ARHGAP8: variants seen among roughly 807,000 people sequenced by gnomAD.
ARHGAP8 encodes Rho GTPase activating protein 8.
A neutral mutation model predicts 46.1 loss-of-function variants in ARHGAP8; 62 were observed. The observed-to-expected ratio is 1.34, with a 90% CI of 1.10 to 1.66. The LOEUF is 1.66. Among genes scored for constraint, ARHGAP8 ranks in the 40% most tolerant of loss-of-function variants. The probability of loss-of-function intolerance (pLI) is 0.00; values close to 1 mark genes in which losing one functional copy is unlikely to be tolerated. For synonymous variants in ARHGAP8, 375 were observed against 243.1 expected (o/e 1.54, Z -5.05); for missense variants, 923 against 568.4 (o/e 1.62, Z -6.34).
At chr22:44,812,184 A>G (rs1443207338) in intron 4 of ARHGAP8, among the ~76,000 whole-genome samples, 1 of 151,840 alleles carries the variant, frequency 6.6e-6, no homozygotes, top group Non-Finnish European at 1.5e-5. Flanking sequence ...CACTTCTGGG[A>G]GTGCTTGCCT....
chr22:44,827,059 G>A (rs1249949610), intron 7 of ARHGAP8, among the ~76,000 whole-genome samples: 2 of 152,134 alleles, frequency 1.3e-5, no homozygotes, highest in African/African-American at 4.8e-5. Context: ...ATCTTGGGAT[G>A]GGAGGTTATC....
chr22:44,813,173 G>A (rs919999584), intron 4 of ARHGAP8, among the ~76,000 whole-genome samples: 1 of 152,034 alleles, frequency 6.6e-6, no homozygotes, highest in African/African-American at 2.4e-5. Context: ...AGTGCTTGTT[G>A]CTTTTGGGGT....
At chr22:44,842,338 C>T (rs904505776) in intron 7 of ARHGAP8, among the ~76,000 whole-genome samples, 1 of 152,106 alleles carries the variant, frequency 6.6e-6, no homozygotes, top group African/African-American at 2.4e-5. Context: ...GCCTGGGGGA[C>T]AGAGCGAGAC....
intron 7 of ARHGAP8, among the ~76,000 whole-genome samples, chr22:44,830,905 C>G (rs1930900137): frequency 6.6e-6 from 1 of 152,196 alleles, no homozygotes; most frequent in African/African-American, 2.4e-5. Context: ...TTTTGTTTCA[C>G]ATTTCACTGA....
intron 7 of ARHGAP8, among the ~76,000 whole-genome samples, chr22:44,833,561 T>G (rs1186822524): frequency 6.6e-6 from 1 of 152,218 alleles, no homozygotes; most frequent in Non-Finnish European, 1.5e-5. Context: ...ATTGCTGGAT[T>G]TGCTTTGCTT....
intron 1 of ARHGAP8, among the ~76,000 whole-genome samples, chr22:44,753,137 A>G (rs773437012): frequency 4.6e-5 from 7 of 151,882 alleles, no homozygotes; most frequent in African/African-American, 1.7e-4. Flanking sequence ...AGGCCGGGGC[A>G]GGTGCTGCGC....
intron 11 of ARHGAP8, among the ~76,000 whole-genome samples, chr22:44,860,998 T>C (rs1455375370): frequency 1.8e-5 from 1 of 56,854 alleles, no homozygotes; most frequent in African/African-American, 5.9e-5. Flanking sequence ...AACTAAACTC[T>C]CCTAATTCTC....
At chr22:44,792,985 A>G (rs1376563592) in intron 2 of ARHGAP8, among the ~76,000 whole-genome samples, 1 of 151,866 alleles carries the variant, frequency 6.6e-6, no homozygotes, top group Non-Finnish European at 1.5e-5. Context: ...CACCATGCCC[A>G]GCTAATTTTT....
At chr22:44,808,060 C>A (rs1453636877) in intron 3 of ARHGAP8, among the ~76,000 whole-genome samples, 2 of 152,192 alleles carry the variant, frequency 1.3e-5, no homozygotes, top group African/African-American at 4.8e-5. Flanking sequence ...GGATGTCTTT[C>A]CACGGGCAAC....
chr22:44,828,425 A>ATT (rs535537198), intron 7 of ARHGAP8, among the ~76,000 whole-genome samples: 8 of 118,244 alleles, frequency 6.8e-5, no homozygotes, highest in Admixed American at 3.4e-4. Context: ...GCAGACCAGA[A>ATT]TTTTTTTTTT....
At chr22:44,847,036 C>T (rs566744196) in intron 8 of ARHGAP8, among the ~76,000 whole-genome samples, 6 of 152,222 alleles carry the variant, frequency 3.9e-5, no homozygotes, top group East Asian at 1.9e-4. Context: ...TGCGGGGCTT[C>T]GAGGAAGTTG....
intron 11 of ARHGAP8, among the ~76,000 whole-genome samples, chr22:44,861,545 GCCTC>G (rs542051282): frequency 6.6e-6 from 1 of 152,180 alleles, no homozygotes; most frequent in South Asian, 2.1e-4. Flanking sequence ...GCCTGGCCCT[GCCTC>G]CCTCCAGTTC....
At position 44,783,054 on chromosome 22, in the gene ARHGAP8, CCCCTCCCTCCCT is replaced by C. The variant is rs1056592895; in HGVS notation, c.-71-3389_-71-3378del. On this transcript the variant is annotated intron_variant, in intron 1 of 11. Coordinates refer to ENST00000356099, the MANE Select transcript of ARHGAP8 (RefSeq NM_181335.3). The stretch of plus-strand genomic sequence containing the variant: ...CCAGCTCCAGCCCGATACACACGCT[CCCCTCCCTCCCT>C]CCCTCCCTCCCTCTGGGCCAGGCTG... Among the ~76,000 whole-genome samples, 5 of 150,926 alleles carry C rather than the reference CCCCTCCCTCCCT, an allele frequency of 3.3e-5. 1 individual carries two copies. The highest frequency in any genetic ancestry group is 2.0e-4 in the East Asian group (1 of 5,064).
intron 4 of ARHGAP8, among the ~76,000 whole-genome samples, chr22:44,813,764 CACTTACACCT>C (rs1929535118): frequency 7.0e-6 from 1 of 143,236 alleles, no homozygotes; most frequent in Non-Finnish European, 1.5e-5. Flanking sequence ...CACCTATATA[CACTTACACCT>C]ACATACACCT....
intron 4 of ARHGAP8, among the ~76,000 whole-genome samples, chr22:44,810,632 G>C (rs1929267234): frequency 6.6e-6 from 1 of 152,226 alleles, no homozygotes; most frequent in Non-Finnish European, 1.5e-5. Flanking sequence ...AATCAGGAAG[G>C]CTGCATGGAG....
At chr22:44,860,534 C>G (rs957298527) in intron 11 of ARHGAP8, among the ~76,000 whole-genome samples, 2 of 68,124 alleles carry the variant, frequency 2.9e-5, no homozygotes, top group Non-Finnish European at 6.8e-5. Flanking sequence ...GCGGGATGAT[C>G]TCATCTTGAG....
At chr22:44,798,474 G>C (rs1339970899) in intron 2 of ARHGAP8, among the ~76,000 whole-genome samples, 1 of 151,526 alleles carries the variant, frequency 6.6e-6, no homozygotes, top group East Asian at 1.9e-4. Context: ...TAGCTAATTA[G>C]ATCTGCAGTG....
chr22:44,825,115 T>C (rs1226125499), intron 6 of ARHGAP8, among the ~76,000 whole-genome samples: 1 of 151,598 alleles, frequency 6.6e-6, no homozygotes, highest in Non-Finnish European at 1.5e-5. Context: ...AGGGACGAGG[T>C]TCCTTTAGCA....
At chr22:44,791,955 GA>G (rs1287155469) in intron 2 of ARHGAP8, among the ~76,000 whole-genome samples, 1 of 151,882 alleles carries the variant, frequency 6.6e-6, no homozygotes, top group African/African-American at 2.4e-5. Flanking sequence ...TGGATACAGA[GA>G]AAATTATTAC....
Sources: allele counts gnomAD v4.1 joint callset (sites outside exome capture counted in the v4.1 genomes callset), GRCh38; gene constraint gnomAD v4.1.1; transcripts MANE v1.5; gene names NCBI Gene and HGNC (gene_info 2026-07-23, HGNC 2026-07-21).